The following USP31 variants were observed in gnomAD, a reference collection of about 807,000 sequenced individuals.
USP31 encodes ubiquitin specific peptidase 31.
USP31 carries 44 observed loss-of-function variants against 119.4 expected under a neutral mutation model. The ratio of observed to expected loss-of-function variants is 0.37; its 90% confidence interval spans 0.29 to 0.47. The LOEUF (loss-of-function observed/expected upper bound fraction) is 0.47. Ranked by LOEUF, USP31 falls within the 20% of genes least tolerant of loss-of-function variation. The pLI is 0.99. For missense variants in USP31, 1,643 were observed against 1,730.2 expected (o/e 0.95, Z 0.89); for synonymous variants, 749 against 705.6 (o/e 1.06, Z -0.97).
At chr16:23,072,459 T>C in intron 14 of USP31, 3 of 598,806 alleles carry the variant, frequency 5.0e-6, no homozygotes, top group Non-Finnish European at 8.9e-6. Flanking sequence ...TACTTTATAA[T>C]GTAAGTCTGA....
chr16:23,116,243 GGAA>G (rs199837152), intron 1 of USP31, among the ~76,000 whole-genome samples: 2,098 of 152,206 alleles, frequency 0.014, 21 homozygotes, highest in South Asian at 0.032. Context: ...GAAGAACTCA[GGAA>G]GACAATAGTA....
chr16:23,084,818 C>G (rs1024336201), intron 11 of USP31, 42 bp downstream of exon 11: 2 of 1,610,776 alleles, frequency 1.2e-6, no homozygotes, highest in African/African-American at 2.7e-5. Context: ...GCCCCACTCC[C>G]CACTGCCCTG....
At chr16:23,122,066 ATTATG>A (rs1452323278) in intron 1 of USP31, among the ~76,000 whole-genome samples, 2 of 152,228 alleles carry the variant, frequency 1.3e-5, no homozygotes, top group Non-Finnish European at 2.9e-5. Context: ...TTTGATATCA[ATTATG>A]TTATGCACAC....
chr16:23,145,893 G>C (rs1028886854), intron 1 of USP31, among the ~76,000 whole-genome samples: 18 of 152,168 alleles, frequency 1.2e-4, no homozygotes, highest in African/African-American at 4.3e-4. Context: ...AATGGGAGGT[G>C]AATGAATGAA....
intron 1 of USP31, 62 bp downstream of exon 1, chr16:23,148,576 T>C (rs541521149): frequency 5.9e-5 from 83 of 1,399,888 alleles, no homozygotes; most frequent in Non-Finnish European, 7.4e-5. Context: ...AAGGAAGACC[T>C]GGGCGGGCAG....
At chr16:23,134,049 C>A (rs1168362838) in intron 1 of USP31, among the ~76,000 whole-genome samples, 2 of 151,598 alleles carry the variant, frequency 1.3e-5, no homozygotes, top group Non-Finnish European at 1.5e-5. Context: ...TACACTCCGG[C>A]CTGGGCAACA....
intron 7 of USP31, 91 bp downstream of exon 7, chr16:23,090,533 G>A: frequency 7.7e-7 from 1 of 1,297,232 alleles, no homozygotes; most frequent in Non-Finnish European, 1.0e-6. Context: ...ACTACTAAAA[G>A]TAAGAACTTT....
Position 23,068,934 on chromosome 16 carries a change from G to C in USP31, c.3171C>G (p.Ser1057=). Residue 1057 remains serine, a synonymous_variant, in exon 16 of 16, where the codon TCC becomes TCG. Coordinates refer to ENST00000219689, the MANE Select transcript of USP31 (RefSeq NM_020718.4). ...ASQESSLSST[S]PSSPLPVKVS... is the part of the protein sequence containing the mutation. ...CTTTTACAGGAAGAGGAGAAGAAGG[G>C]GATGTACTTGAAAGGGATGACTCCT... 1 of 1,614,028 alleles carries C rather than the reference G, an allele frequency of 6.2e-7. No individual in the cohort carries two copies. The highest frequency in any genetic ancestry group is 2.2e-5 in the East Asian group (1 of 44,878).
intron 7 of USP31, among the ~76,000 whole-genome samples, chr16:23,090,026 G>T (rs1340482791): frequency 1.3e-5 from 2 of 152,172 alleles, no homozygotes; most frequent in Non-Finnish European, 2.9e-5. Context: ...AAAGTAGCTG[G>T]AAATGGGTCT....
chr16:23,080,374 G>C (rs2141839292), intron 12 of USP31, among the ~76,000 whole-genome samples: 1 of 152,218 alleles, frequency 6.6e-6, no homozygotes, highest in East Asian at 1.9e-4. Flanking sequence ...GGTGGAACCA[G>C]TAAGGATCCA....
intron 7 of USP31, among the ~76,000 whole-genome samples, chr16:23,088,536 C>A (rs889634342): frequency 6.6e-6 from 1 of 152,148 alleles, no homozygotes; most frequent in Admixed American, 6.5e-5. Context: ...CTCATCCACG[C>A]CCAGTCAGTC....
intron 6 of USP31, among the ~76,000 whole-genome samples, chr16:23,091,343 T>C (rs945791582): frequency 2.0e-5 from 3 of 152,082 alleles, no homozygotes; most frequent in African/African-American, 7.2e-5. Flanking sequence ...TTAACAAAAA[T>C]ATATATTTGA....
chr16:23,097,382 C>T (rs974080862), intron 6 of USP31, among the ~76,000 whole-genome samples: 2 of 152,106 alleles, frequency 1.3e-5, no homozygotes, highest in Non-Finnish European at 1.5e-5. Context: ...CAGGACCAGA[C>T]GGATTCACAG....
At chr16:23,085,024 G>A in intron 10 of USP31, 35 bp from the exon 11 acceptor site, 3 of 1,608,356 alleles carry the variant, frequency 1.9e-6, no homozygotes, top group Non-Finnish European at 1.7e-6. Context: ...ATCAGGGAAT[G>A]TCTTGCAAAA....
chr16:23,067,957 AAAC>A lies in USP31; in HGVS notation c.*86_*88del. The A allele has an allele frequency of 6.7e-7, 1 of 1,499,486 alleles. No individual in the cohort carries two copies. The highest frequency in any genetic ancestry group is 2.3e-5 in the East Asian group (1 of 44,110). The allele number at this position is 1,499,486 out of a possible 1,614,324, so 92.9% of individuals were successfully genotyped here. A position where few individuals can be genotyped will look rare whatever the true frequency, so the allele number is the denominator to read the frequency against. Reference sequence around the variant, plus strand: ...CGGGCACGTGACTCAAAAAAGTACAAAACAAAAGCACAGGAGGCTTTGGTGGGA... The same window carrying A: ...CGGGCACGTGACTCAAAAAAGTACAAAAAAGCACAGGAGGCTTTGGTGGGA... On this transcript the variant is annotated 3_prime_UTR_variant, in exon 16 of 16. Transcript: ENST00000219689.
At chr16:23,107,201 T>C (rs557000553) in intron 2 of USP31, among the ~76,000 whole-genome samples, 6 of 152,092 alleles carry the variant, frequency 3.9e-5, no homozygotes, top group Non-Finnish European at 7.4e-5. Context: ...CTAATCACAC[T>C]CTACTTCATG....
At chr16:23,079,469 T>A (rs573031443) in intron 13 of USP31, 2 of 152,698 alleles carry the variant, frequency 1.3e-5, no homozygotes, top group South Asian at 4.1e-4. Flanking sequence ...GGAGACTTGC[T>A]TGAGCCCAGA....
chr16:23,134,002 G>C (rs957149054), intron 1 of USP31, among the ~76,000 whole-genome samples: 4 of 151,984 alleles, frequency 2.6e-5, no homozygotes, highest in African/African-American at 9.7e-5. Flanking sequence ...ACTTGAGCCT[G>C]GGAGGTCAAG....
At chr16:23,142,445 T>G (rs1339424628) in intron 1 of USP31, among the ~76,000 whole-genome samples, 2 of 152,188 alleles carry the variant, frequency 1.3e-5, no homozygotes, top group Non-Finnish European at 2.9e-5. Context: ...TGTTACACGT[T>G]TCAGCACGTC....
Sources: allele counts gnomAD v4.1 joint callset (sites outside exome capture counted in the v4.1 genomes callset), GRCh38; gene constraint gnomAD v4.1.1; transcripts MANE v1.5; gene names NCBI Gene and HGNC (gene_info 2026-07-23, HGNC 2026-07-21).